Variants in PID1 observed in about 807,000 individuals in gnomAD.
PID1 encodes phosphotyrosine interaction domain containing 1.
PID1 carries 10 observed loss-of-function variants against 19.1 expected under a neutral mutation model. The ratio of observed to expected loss-of-function variants is 0.52; its 90% CI spans 0.32 to 0.89. The LOEUF is 0.89. PID1 is among the 40% of genes least tolerant of loss of function. PID1 has a pLI of 0.03. For missense variants in PID1, 248 were observed against 285.3 expected (o/e 0.87, Z 0.94); for synonymous variants, 130 against 116.0 (o/e 1.12, Z -0.78).
intron 2 of PID1, among the ~76,000 whole-genome samples, chr2:229,063,543 A>G (rs112460794): frequency 0.014 from 2,085 of 152,266 alleles, 50 homozygotes; most frequent in African/African-American, 0.047. Context: ...GTGGCCTAAC[A>G]TATGATCTAT....
rs1574627875 is a variant in PID1, at chr2:229,099,954, T to C, written c.177+55864A>G. Reference sequence around the variant, plus strand: ...TCTCCAATATGACACTGTTAGGAGATGGGGTCAAGGGGAGGGAATTAGGTT... The same window carrying C: ...TCTCCAATATGACACTGTTAGGAGACGGGGTCAAGGGGAGGGAATTAGGTT... On this transcript the variant is annotated intron_variant, in intron 2 of 2. Transcript: ENST00000392055. Among the ~76,000 whole-genome samples the C allele has an allele frequency of 2.0e-5, 3 of 152,282 alleles. No individual in the cohort carries two copies. In the East Asian group the frequency reaches 5.8e-4, roughly 29 times the overall value.
Position 229,192,353 on chromosome 2 carries a change from G to C in PID1, c.31-36389C>G, listed in dbSNP as rs1161285160. Among the ~76,000 whole-genome samples the C allele has an allele frequency of 2.0e-5, 3 of 152,132 alleles. No homozygotes were observed. The East Asian group carries it at 5.8e-4, about 29-fold the overall frequency. ...ACAACCTGACTGGGGACCAAAAGAA[G>C]AACCTTTTGACATTTCTGGTTGCTT... On this transcript the variant is annotated intron_variant, in intron 1 of 2. Transcript: ENST00000392055.
intron 2 of PID1, among the ~76,000 whole-genome samples, chr2:229,079,195 G>C (rs1477284196): frequency 6.6e-6 from 1 of 152,146 alleles, no homozygotes; most frequent in African/African-American, 2.4e-5. Context: ...ATCGGTCTAA[G>C]TCGGGGCTGA....
chr2:229,050,843 C>A (rs1693982169), intron 2 of PID1, among the ~76,000 whole-genome samples: 1 of 107,044 alleles, frequency 9.3e-6, no homozygotes, highest in South Asian at 2.8e-4. Context: ...AAAACAAAAA[C>A]AACAAGAACA....
chr2:229,271,049 A>T lies in PID1; in HGVS notation c.-6T>A. On this transcript the variant is annotated 5_prime_UTR_variant, in exon 1 of 3. Coordinates refer to ENST00000392055, the MANE Select transcript of PID1 (RefSeq NM_001100818.2). ...TCCGTGGCCGGCTGCCACATCTTCC[A>T]GCCCTGGGTTTTGGCAGAGGAGACG... The T allele has an allele frequency of 6.5e-7, 1 of 1,545,016 alleles. No individual in the cohort carries two copies. Among genetic ancestry groups the T allele is most frequent in the Admixed American group, 2.0e-5 (1 of 50,620 alleles).
intron 1 of PID1, among the ~76,000 whole-genome samples, chr2:229,171,674 G>T (rs1690714337): frequency 6.6e-6 from 1 of 152,080 alleles, no homozygotes; most frequent in African/African-American, 2.4e-5. Flanking sequence ...GAAATGTCTG[G>T]CACATAGTAG....
chr2:229,229,825 T>G (rs1347004838), intron 1 of PID1, among the ~76,000 whole-genome samples: 1 of 152,220 alleles, frequency 6.6e-6, no homozygotes, highest in Non-Finnish European at 1.5e-5. Context: ...CTACAAAATT[T>G]CAAAAGTAAG....
intron 2 of PID1, among the ~76,000 whole-genome samples, chr2:229,101,321 C>G (rs1036426986): frequency 6.6e-6 from 1 of 152,032 alleles, no homozygotes; most frequent in African/African-American, 2.4e-5. Context: ...ACTTATCAAC[C>G]CATCACCTAG....
intron 1 of PID1, among the ~76,000 whole-genome samples, chr2:229,188,712 C>G (rs1475177883): frequency 6.9e-6 from 1 of 145,626 alleles, no homozygotes; most frequent in Non-Finnish European, 1.5e-5. Flanking sequence ...GCACTCCAGC[C>G]TGGGCAACAA....
chr2:229,255,120 T>C (rs1351720277), intron 1 of PID1, among the ~76,000 whole-genome samples: 1 of 152,200 alleles, frequency 6.6e-6, no homozygotes, highest in Non-Finnish European at 1.5e-5. Flanking sequence ...CTCAAGTCTA[T>C]AATAGCCTCA....
At chr2:229,268,112 G>C (rs953962099) in intron 1 of PID1, among the ~76,000 whole-genome samples, 1 of 152,194 alleles carries the variant, frequency 6.6e-6, no homozygotes, top group African/African-American at 2.4e-5. Context: ...ACATTCAAGG[G>C]AGCAGATGAA....
chr2:229,037,726 C>G (rs1052862785), intron 2 of PID1, among the ~76,000 whole-genome samples: 2 of 152,142 alleles, frequency 1.3e-5, no homozygotes, highest in African/African-American at 2.4e-5. Flanking sequence ...CTGTTCCACC[C>G]AGAGGCCCAA....
chr2:229,253,255 CA>C (rs1439707115), intron 1 of PID1, among the ~76,000 whole-genome samples: 2 of 152,174 alleles, frequency 1.3e-5, no homozygotes, highest in Non-Finnish European at 2.9e-5. Flanking sequence ...ACTCTAGGCT[CA>C]GAGATAAGAG....
chr2:229,077,472 T>A (rs1328173753), intron 2 of PID1, among the ~76,000 whole-genome samples: 1 of 152,224 alleles, frequency 6.6e-6, no homozygotes, highest in Non-Finnish European at 1.5e-5. Context: ...GCCTATGTCC[T>A]AAATAGTACT....
intron 1 of PID1, among the ~76,000 whole-genome samples, chr2:229,199,447 T>C (rs778885201): frequency 9.2e-5 from 14 of 152,030 alleles, no homozygotes; most frequent in Non-Finnish European, 1.6e-4. Context: ...ATGGGTACCA[T>C]TGTTCTAGTA....
chr2:229,217,547 A>G (rs1265147534), intron 1 of PID1, among the ~76,000 whole-genome samples: 1 of 152,216 alleles, frequency 6.6e-6, no homozygotes, highest in African/African-American at 2.4e-5. Flanking sequence ...GATGCTACAG[A>G]AAACATGAGA....
chr2:229,127,501 G>A (rs968440386), intron 2 of PID1, among the ~76,000 whole-genome samples: 5 of 152,162 alleles, frequency 3.3e-5, no homozygotes, highest in African/African-American at 1.2e-4. Context: ...ATTCTGAGTA[G>A]AGGGGATCAG....
rs142490698 is a variant in PID1, at chr2:229,107,542, G to A, written c.177+48276C>T. On this transcript the variant is annotated intron_variant, in intron 2 of 2. Coordinates refer to ENST00000392055, the MANE Select transcript of PID1 (RefSeq NM_001100818.2). ...AAAAGAAAAAAGCTGAAATTCATCA[G>A]GATGCAGCACGTCTTGTTTATGTCA... Among the ~76,000 whole-genome samples, 30 of 151,074 alleles carry A rather than the reference G, an allele frequency of 2.0e-4. No homozygotes were observed. In the East Asian group the frequency reaches 5.6e-3, roughly 28 times the overall value.
chr2:229,193,976 G>C lies in PID1; in HGVS notation c.31-38012C>G, dbSNP rs186906964. On this transcript the variant is annotated intron_variant, in intron 1 of 2. Coordinates refer to ENST00000392055, the MANE Select transcript of PID1 (RefSeq NM_001100818.2). ...CAAAGAGGTATTGAAGCTGCAGAAT[G>C]GGGGATATTGTCAAAGAGAATTTAT... Among the ~76,000 whole-genome samples, 155 of 152,098 alleles carry C rather than the reference G, an allele frequency of 1.0e-3. 1 individual carries two copies. The highest frequency in any genetic ancestry group is 3.6e-3 in the African/African-American group (150 of 41,494).
Sources: allele counts gnomAD v4.1 joint callset (sites outside exome capture counted in the v4.1 genomes callset), GRCh38; gene constraint gnomAD v4.1.1; transcripts MANE v1.5; gene names NCBI Gene and HGNC (gene_info 2026-07-23, HGNC 2026-07-21).